Variants in RGS6 observed in about 807,000 individuals in gnomAD.
RGS6 encodes the protein regulator of G-protein signaling 6.
Under a neutral mutation model 78.5 loss-of-function variants are expected in RGS6, and 30 were observed. That is an observed-to-expected ratio of 0.38 (90% confidence interval 0.29 to 0.52). RGS6 has a LOEUF of 0.52. Ranked by LOEUF, RGS6 falls within the 20% of genes least tolerant of loss-of-function variation. The probability of loss-of-function intolerance (pLI) is 0.85; values close to 1 mark genes in which losing one functional copy is unlikely to be tolerated. For synonymous variants in RGS6, 206 were observed against 206.0 expected (o/e 1.00, Z 0.00); for missense variants, 495 against 609.7 (o/e 0.81, Z 1.98).
intron 3 of RGS6, among the ~76,000 whole-genome samples, chr14:72,354,371 A>G (rs2152750117): frequency 6.6e-6 from 1 of 151,676 alleles, no homozygotes; most frequent in Non-Finnish European, 1.5e-5. Flanking sequence ...CATGCCTATA[A>G]TCCCAGCACT....
At position 72,235,079 on chromosome 14, in the gene RGS6, G is replaced by T. The variant is rs186764111; in HGVS notation, c.85-117016G>T. 2.3e-3 allele frequency among the ~76,000 whole-genome samples: 355 copies of T among 152,110 alleles called. 3 individuals carry two copies. Among genetic ancestry groups the T allele is most frequent in the Non-Finnish European group, 2.2e-3 (148 of 67,992 alleles). ...GTATTTATTTAGTTGTTTGTTTATT[G>T]TCTATTTCTCCTGTTAGAATGTAAA... On this transcript the variant is annotated intron_variant, in intron 2 of 17. Coordinates refer to ENST00000553525, the MANE Select transcript of RGS6 (RefSeq NM_001204424.2).
intron 12 of RGS6, among the ~76,000 whole-genome samples, chr14:72,481,879 G>A (rs2096387164): frequency 6.7e-6 from 1 of 149,086 alleles, no homozygotes; most frequent in Admixed American, 6.8e-5. Flanking sequence ...TGCAATCTCG[G>A]CTCACTGCAA....
chr14:72,554,553 G>A (rs922996874), intron 17 of RGS6, among the ~76,000 whole-genome samples: 2 of 152,244 alleles, frequency 1.3e-5, no homozygotes, highest in Admixed American at 6.5e-5. Flanking sequence ...CCAGAGCTTA[G>A]ATGCCAGAGT....
intron 2 of RGS6, among the ~76,000 whole-genome samples, chr14:72,163,916 T>C (rs2153666554): frequency 6.6e-6 from 1 of 151,260 alleles, no homozygotes; most frequent in African/African-American, 2.4e-5. Context: ...TGTGGAAGCT[T>C]TGAAATCCCT....
At chr14:72,114,787 A>G (rs1222048564) in intron 2 of RGS6, among the ~76,000 whole-genome samples, 4 of 152,252 alleles carry the variant, frequency 2.6e-5, no homozygotes, top group African/African-American at 9.6e-5. Flanking sequence ...TACTTGGATG[A>G]CAATCATTAA....
chr14:72,019,206 C>T (rs1442720959), intron 2 of RGS6, among the ~76,000 whole-genome samples: 1 of 152,170 alleles, frequency 6.6e-6, no homozygotes, highest in African/African-American at 2.4e-5. Flanking sequence ...CCAAAAACCC[C>T]TCTGTTTTAT....
At chr14:72,150,893 G>T (rs1246679627) in intron 2 of RGS6, among the ~76,000 whole-genome samples, 1 of 152,164 alleles carries the variant, frequency 6.6e-6, no homozygotes, top group Non-Finnish European at 1.5e-5. Flanking sequence ...AAATATGGGT[G>T]TTGGTTTGCC....
At chr14:72,360,690 G>A (rs1450192447) in intron 3 of RGS6, among the ~76,000 whole-genome samples, 1 of 152,102 alleles carries the variant, frequency 6.6e-6, no homozygotes, top group African/African-American at 2.4e-5. Flanking sequence ...GATTTTGCAA[G>A]TTCAAGGAGA....
intron 3 of RGS6, among the ~76,000 whole-genome samples, chr14:72,381,804 A>G (rs991925663): frequency 5.3e-5 from 8 of 152,144 alleles, no homozygotes; most frequent in African/African-American, 1.7e-4. Flanking sequence ...AGAAAAAGCA[A>G]TAATATCCAC....
intron 2 of RGS6, among the ~76,000 whole-genome samples, chr14:72,345,199 C>T (rs2077780536): frequency 2.6e-5 from 4 of 152,114 alleles, no homozygotes; most frequent in Non-Finnish European, 5.9e-5. Flanking sequence ...ATGACTAGAG[C>T]TGGGCAGCCA....
chr14:72,132,282 T>C (rs1035326750), intron 2 of RGS6, among the ~76,000 whole-genome samples: 55 of 148,360 alleles, frequency 3.7e-4, no homozygotes, highest in Non-Finnish European at 5.4e-4. Flanking sequence ...TCTTCTTCTT[T>C]TTTTTTTTTT....
chr14:72,082,800 A>C (rs2094879185), intron 2 of RGS6, among the ~76,000 whole-genome samples: 1 of 152,168 alleles, frequency 6.6e-6, no homozygotes, highest in Non-Finnish European at 1.5e-5. Context: ...TGAGTCCTGA[A>C]TGTCAATATT....
intron 1 of RGS6, among the ~76,000 whole-genome samples, chr14:71,934,307 A>G (rs1030171293): frequency 2.0e-5 from 3 of 152,212 alleles, no homozygotes; most frequent in Non-Finnish European, 4.4e-5. Context: ...ATATATGTAG[A>G]GAGAGTCTAT....
intron 3 of RGS6, among the ~76,000 whole-genome samples, chr14:72,410,178 C>A (rs529202364): frequency 1.7e-4 from 26 of 152,318 alleles, no homozygotes; most frequent in African/African-American, 5.8e-4. Flanking sequence ...ACAGTCCCAC[C>A]AACAGTGTAA....
chr14:71,990,942 AC>A (rs2094930596), intron 2 of RGS6: 1 of 433,164 alleles, frequency 2.3e-6, no homozygotes, highest in African/African-American at 2.0e-5. Flanking sequence ...CAGAACCTGA[AC>A]CTGATTCTCT....
At chr14:71,929,582 T>C (rs947228807), upstream of RGS6, among the ~76,000 whole-genome samples, 2 of 152,222 alleles carry the variant, frequency 1.3e-5, no homozygotes, top group Non-Finnish European at 2.9e-5. Flanking sequence ...TTATTAATAA[T>C]TAATGATGTA....
At chr14:72,537,263 C>T (rs2097262627) in intron 16 of RGS6, among the ~76,000 whole-genome samples, 1 of 152,200 alleles carries the variant, frequency 6.6e-6, no homozygotes, top group African/African-American at 2.4e-5. Context: ...GGTTGCCCAT[C>T]ACATGCTCTC....
chr14:72,491,436 T>C (rs1243839806), intron 12 of RGS6, among the ~76,000 whole-genome samples: 1 of 152,206 alleles, frequency 6.6e-6, no homozygotes, highest in East Asian at 1.9e-4. Context: ...AGACATATGT[T>C]CATCTTCTCC....
the RGS6 span, among the ~76,000 whole-genome samples, chr14:72,590,243 G>A: frequency 1.3e-5 from 2 of 152,224 alleles, no homozygotes; most frequent in South Asian, 2.1e-4. Context: ...TTCTCATAAC[G>A]TGAAACAGCC....
Sources: allele counts gnomAD v4.1 joint callset (sites outside exome capture counted in the v4.1 genomes callset), GRCh38; gene constraint gnomAD v4.1.1; transcripts MANE v1.5; gene names NCBI Gene and HGNC (gene_info 2026-07-23, HGNC 2026-07-21).